The following MAP2K2 variants were observed in gnomAD, a reference collection of about 807,000 sequenced individuals.
MAP2K2 encodes mitogen-activated protein kinase kinase 2.
Under a neutral mutation model 43.7 loss-of-function variants are expected in MAP2K2, and 24 were observed. The ratio of observed to expected loss-of-function variants is 0.55; its 90% CI spans 0.40 to 0.77. The LOEUF (loss-of-function observed/expected upper bound fraction) is 0.77. Among genes scored for constraint, MAP2K2 ranks in the 30% least tolerant of loss-of-function variants. MAP2K2 has a pLI of 0.00. For missense variants in MAP2K2, 470 were observed against 566.8 expected (o/e 0.83, Z 1.73); for synonymous variants, 244 against 239.7 (o/e 1.02, Z -0.17).
rs535759616 is a variant in MAP2K2 at position 4,115,139 on chromosome 19, C to A, written c.303+2280G>T. Among the ~76,000 whole-genome samples, 7 of 152,056 alleles carry A rather than the reference C, an allele frequency of 4.6e-5. No individual in the cohort carries two copies. The highest frequency in any genetic ancestry group is 1.0e-4 in the Non-Finnish European group (7 of 67,998). On this transcript the variant is annotated intron_variant, in intron 2 of 10. Transcript: ENST00000262948. The surrounding 1 kb of genome is among the most constrained non-coding windows in gnomAD (Gnocchi z 4.1). Reference sequence around the variant, plus strand: ...CAAAAATAGTAACGAGAGTCCCGTGCGCCCTTTCCCCGCCTCCCCCAAGAT... The same window carrying A: ...CAAAAATAGTAACGAGAGTCCCGTGAGCCCTTTCCCCGCCTCCCCCAAGAT...
At chr19:4,111,761 C>T (rs350900) in intron 2 of MAP2K2, among the ~76,000 whole-genome samples, 56,631 of 151,948 alleles carry the variant, frequency 0.37, 12,527 homozygotes, top group East Asian at 0.61. Context: ...CAAGACCAGC[C>T]GGACCAACAT....
chr19:4,111,915 T>A lies in MAP2K2; in HGVS notation c.304-1260A>T, dbSNP rs1486831413. 5.3e-5 allele frequency among the ~76,000 whole-genome samples: 8 copies of A among 151,980 alleles called. No individual in the cohort carries two copies. The East Asian group carries it at 1.5e-3, about 29-fold the overall frequency. ...TTGCAGTGAGCCGAGATCGCACCATTGCACTCCAGCCTGGGGGACAAGAGC... is the reference window on the plus strand; with the variant it reads ...TTGCAGTGAGCCGAGATCGCACCATAGCACTCCAGCCTGGGGGACAAGAGC... On this transcript the variant is annotated intron_variant, in intron 2 of 10. Coordinates refer to ENST00000262948, the MANE Select transcript of MAP2K2 (RefSeq NM_030662.4).
At chr19:4,118,401 A>C (rs976883050) in intron 1 of MAP2K2, among the ~76,000 whole-genome samples, 3 of 152,138 alleles carry the variant, frequency 2.0e-5, no homozygotes, top group Non-Finnish European at 4.4e-5. Context: ...CCAAGAGTAG[A>C]GGGCAGAAGG....
At chr19:4,120,281 CATGA>C (rs1400596169) in intron 1 of MAP2K2, among the ~76,000 whole-genome samples, 2 of 152,160 alleles carry the variant, frequency 1.3e-5, no homozygotes, top group South Asian at 2.1e-4. Context: ...AGGAGGGGAA[CATGA>C]ATGAATGAAT....
chr19:4,106,864 G>A (rs2041090785), intron 3 of MAP2K2, among the ~76,000 whole-genome samples: 1 of 152,208 alleles, frequency 6.6e-6, no homozygotes, highest in Non-Finnish European at 1.5e-5. Flanking sequence ...GACATGTCCA[G>A]TTTCCATTAC....
At chr19:4,097,218 A>AG (rs1568251163) in intron 8 of MAP2K2, 61 bp downstream of exon 8, 2 of 1,204,132 alleles carry the variant, frequency 1.7e-6, no homozygotes, top group South Asian at 1.4e-5. Context: ...AAAAAAAAAA[A>AG]AAAAAAAAAA....
At chr19:4,105,155 C>CGTGTGTGTGT (rs61710801) in intron 3 of MAP2K2, among the ~76,000 whole-genome samples, 1,485 of 137,722 alleles carry the variant, frequency 0.011, 42 homozygotes, top group African/African-American at 0.041. Context: ...ACACGTCTAC[C>CGTGTGTGTGT]GTGTGTGTGT....
Position 4,094,480 on chromosome 19 carries a change from C to T in MAP2K2, c.1065G>A (p.Ala355=), listed in dbSNP as rs374807671. ...TGAGCATCTTCAGGTCCGCCCGCTC[C>T]GCTGGGTTCTTGATGAGGCTGGGGG... The part of the protein sequence containing the change: ...FVNKCLIKNP[A]ERADLKMLTN... Residue 355 remains alanine (A), a synonymous_variant, in exon 10 of 11, where the codon GCG becomes GCA. Coordinates refer to ENST00000262948, the MANE Select transcript of MAP2K2 (RefSeq NM_030662.4). 34 of 1,569,216 alleles carry T rather than the reference C, an allele frequency of 2.2e-5. No individual in the cohort carries two copies. Among genetic ancestry groups the T allele is most frequent in the Middle Eastern group, 1.7e-4 (1 of 6,012 alleles).
Position 4,102,362 on chromosome 19 carries a change from T to G in MAP2K2, c.528+14A>C. The G allele has an allele frequency of 6.3e-7, 1 of 1,584,714 alleles. No individual in the cohort carries two copies. The highest frequency in any genetic ancestry group is 8.6e-7 in the Non-Finnish European group (1 of 1,166,088). ...GTGCGGTGGGGGCGCGATGTGGGTC[T>G]GCGGTGGACTCACCGCGATGCTGAC... On this transcript the variant is annotated intron_variant, in intron 4 of 10. Transcript: ENST00000262948.
chr19:4,097,576 GGAACAA>G (rs1599285059), intron 7 of MAP2K2, among the ~76,000 whole-genome samples: 1 of 152,194 alleles, frequency 6.6e-6, no homozygotes, highest in African/African-American at 2.4e-5. Flanking sequence ...AAAGGCAAAA[GGAACAA>G]GAACATTTTT....
chr19:4,114,448 C>T (rs1415193921), intron 2 of MAP2K2, among the ~76,000 whole-genome samples: 4 of 152,150 alleles, frequency 2.6e-5, no homozygotes, highest in Admixed American at 6.5e-5. Flanking sequence ...TAAGCTACAG[C>T]GGAGTGGAGG....
At chr19:4,102,802 C>T (rs1274299901) in intron 3 of MAP2K2, 2 of 1,238,544 alleles carry the variant, frequency 1.6e-6, no homozygotes, top group South Asian at 1.5e-5. Context: ...GGGGCCCGCA[C>T]TCCCTGCAGC....
At chr19:4,099,142 A>G in intron 7 of MAP2K2, 59 bp downstream of exon 7, 1 of 1,450,952 alleles carries the variant, frequency 6.9e-7, no homozygotes, top group East Asian at 2.4e-5. Flanking sequence ...ACCCTGGCAC[A>G]GCAGGCCCCG....
intron 2 of MAP2K2, among the ~76,000 whole-genome samples, chr19:4,114,725 G>C (rs1174791499): frequency 6.6e-6 from 1 of 152,134 alleles, no homozygotes; most frequent in Admixed American, 6.5e-5. Context: ...AAGATGCATG[G>C]ATTCCTTGAG....
At chr19:4,100,817 G>A (rs1200247422) in intron 6 of MAP2K2, 5 of 646,968 alleles carry the variant, frequency 7.7e-6, no homozygotes, top group East Asian at 2.8e-5. Context: ...TAACAGCCAT[G>A]TAGGAGTGTG....
Position 4,097,338 on chromosome 19 carries a change from C to G in MAP2K2, c.925G>C (p.Gly309Arg). The G allele has an allele frequency of 1.2e-6, 2 of 1,612,654 alleles. No individual in the cohort carries two copies. Among genetic ancestry groups the G allele is most frequent in the South Asian group, 2.2e-5 (2 of 91,070 alleles). Residue 309 changes from glycine to arginine, a missense_variant, in exon 8 of 11, where the codon GGG becomes CGG. Gly to Arg is a moderately radical substitution (Grantham distance 125). Transcript: ENST00000262948. ...RPPGRPVSGH[G>R]MDSRPAMAIF... The stretch of plus-strand genomic sequence containing the variant: ...GCCATGGCAGGCCGGCTATCCATCC[C>G]GTGACCTGCACAGGGAGAGAGATGG...
intron 1 of MAP2K2, among the ~76,000 whole-genome samples, chr19:4,121,033 C>A (rs2041286168): frequency 6.6e-6 from 1 of 152,066 alleles, no homozygotes; most frequent in Non-Finnish European, 1.5e-5. Context: ...AGGCACGGCA[C>A]CCGGACCCCA....
chr19:4,104,426 G>T (rs750545909), intron 3 of MAP2K2, among the ~76,000 whole-genome samples: 4 of 151,966 alleles, frequency 2.6e-5, no homozygotes, highest in Non-Finnish European at 5.9e-5. Context: ...GGTGGTGCAC[G>T]CCTGTAGTCC....
At chr19:4,100,800 G>A in intron 6 of MAP2K2, 1 of 613,460 alleles carries the variant, frequency 1.6e-6, no homozygotes, top group Non-Finnish European at 2.9e-6. Context: ...GACTGTCCCG[G>A]GGGTGCTAAC....
Sources: gnomAD v4.1 joint callset for allele counts (sites outside exome capture counted in the v4.1 genomes callset) on GRCh38, gnomAD v4.1.1 for gene constraint, Gnocchi (gnomAD v3.1) non-coding constraint, MANE v1.5 for transcripts, NCBI Gene and HGNC (gene_info 2026-07-23, HGNC 2026-07-21) for gene names.